CHL1: variants seen among roughly 807,000 people sequenced by gnomAD.
CHL1 encodes neural cell adhesion molecule L1-like protein.
Under a neutral mutation model 141.9 loss-of-function variants are expected in CHL1, and 96 were observed. The observed-to-expected ratio is 0.68, with a 90% CI of 0.57 to 0.80. The LOEUF is 0.80. Ranked by LOEUF, CHL1 falls within the 30% of genes least tolerant of loss-of-function variation. CHL1 has a pLI of 0.00. For missense variants in CHL1, 1,820 were observed against 1,457.2 expected (o/e 1.25, Z -4.05); for synonymous variants, 613 against 502.2 (o/e 1.22, Z -2.95).
At chr3:367,946 T>C (rs1274962242) in intron 15 of CHL1, among the ~76,000 whole-genome samples, 3 of 152,204 alleles carry the variant, frequency 2.0e-5, no homozygotes, top group Non-Finnish European at 4.4e-5. Context: ...TTTATGGCTG[T>C]ATAGTATTCC....
chr3:322,344 G>A (rs1433551480), intron 3 of CHL1, among the ~76,000 whole-genome samples: 2 of 151,912 alleles, frequency 1.3e-5, no homozygotes, highest in African/African-American at 2.4e-5. Context: ...AGTTTGGAAA[G>A]GCATTTAGTT....
At chr3:254,148 G>A (rs912711299) in intron 2 of CHL1, among the ~76,000 whole-genome samples, 2 of 152,160 alleles carry the variant, frequency 1.3e-5, no homozygotes, top group African/African-American at 2.4e-5. Context: ...GATTGCCTCA[G>A]TGGAAGAGAG....
chr3:279,535 G>T (rs1413197222), intron 2 of CHL1, among the ~76,000 whole-genome samples: 1 of 142,952 alleles, frequency 7.0e-6, no homozygotes. Context: ...TCCACAATCT[G>T]GACTGGTTGC....
At chr3:353,405 C>T (rs2125220521) in intron 10 of CHL1, among the ~76,000 whole-genome samples, 2 of 151,894 alleles carry the variant, frequency 1.3e-5, no homozygotes, top group South Asian at 4.2e-4. Context: ...AAAAATAAAC[C>T]TTCACCTCAG....
At chr3:248,455 T>C (rs1207773854) in intron 2 of CHL1, 4 of 152,100 alleles carry the variant, frequency 2.6e-5, no homozygotes, top group Admixed American at 2.0e-4. Flanking sequence ...TGTCAGTCTA[T>C]TGGTTTTTAT....
chr3:354,141 A>T (rs892893025), intron 10 of CHL1, among the ~76,000 whole-genome samples: 1 of 152,226 alleles, frequency 6.6e-6, no homozygotes, highest in African/African-American at 2.4e-5. Context: ...AGTAGATTAT[A>T]TGTATAAATG....
chr3:316,638 A>T (rs972476217), intron 2 of CHL1, among the ~76,000 whole-genome samples: 2 of 152,150 alleles, frequency 1.3e-5, no homozygotes, highest in South Asian at 4.1e-4. Context: ...TTTTAGTAAG[A>T]GTATGACTGG....
chr3:267,664 G>C (rs948513849), intron 2 of CHL1, among the ~76,000 whole-genome samples: 2 of 151,994 alleles, frequency 1.3e-5, no homozygotes, highest in African/African-American at 4.8e-5. Context: ...TAATTAAACC[G>C]TGTGTGTATT....
chr3:283,451 C>G (rs952244188), intron 2 of CHL1, among the ~76,000 whole-genome samples: 1 of 152,194 alleles, frequency 6.6e-6, no homozygotes, highest in Non-Finnish European at 1.5e-5. Context: ...ACACATGTAT[C>G]TATGAAGTAC....
At position 207,057 on chromosome 3, in the gene CHL1, G is replaced by A. The variant is rs549376426; in HGVS notation, c.-175+9994G>A. On this transcript the variant is annotated intron_variant, in intron 1 of 27. Transcript: ENST00000256509. ...GATGGCACTGTCTTTATTAGCAGCCGTCAATAAAGATAAGGCTTTAGAAGA... is the reference window on the plus strand; with the variant it reads ...GATGGCACTGTCTTTATTAGCAGCCATCAATAAAGATAAGGCTTTAGAAGA... 2.2e-4 allele frequency among the ~76,000 whole-genome samples: 33 copies of A among 152,286 alleles called. No homozygotes were observed. In the East Asian group the frequency reaches 4.8e-3, roughly 22 times the overall value.
At chr3:273,541 T>C (rs1053990325) in intron 2 of CHL1, among the ~76,000 whole-genome samples, 2 of 152,212 alleles carry the variant, frequency 1.3e-5, no homozygotes, top group African/African-American at 2.4e-5. Flanking sequence ...TTAAGCCTTA[T>C]CAATATTTGC....
chr3:268,949 G>C (rs971695071), intron 2 of CHL1, among the ~76,000 whole-genome samples: 2 of 152,160 alleles, frequency 1.3e-5, no homozygotes. Flanking sequence ...AATGTTAAAG[G>C]GTGTTGAGTG....
chr3:397,361 G>A (rs1481326678), intron 24 of CHL1, among the ~76,000 whole-genome samples: 1 of 151,816 alleles, frequency 6.6e-6, no homozygotes, highest in African/African-American at 2.4e-5. Context: ...TTATTTTATA[G>A]TGAAAATACA....
At chr3:233,512 A>G (rs1028162415) in intron 1 of CHL1, among the ~76,000 whole-genome samples, 10 of 152,178 alleles carry the variant, frequency 6.6e-5, no homozygotes, top group African/African-American at 1.9e-4. Context: ...GTAACGCATG[A>G]TCATTAAAAA....
At chr3:328,706 C>T (rs543488372) in intron 5 of CHL1, among the ~76,000 whole-genome samples, 2 of 152,084 alleles carry the variant, frequency 1.3e-5, no homozygotes, top group African/African-American at 4.8e-5. Context: ...AGTTATTCCC[C>T]GATAAAGCAA....
chr3:291,344 C>G (rs1157857960), intron 2 of CHL1, among the ~76,000 whole-genome samples: 2 of 151,948 alleles, frequency 1.3e-5, no homozygotes, highest in African/African-American at 4.8e-5. Flanking sequence ...CTACCCAGGT[C>G]TTTTCATCAT....
chr3:397,181 C>T (rs1708747567), intron 24 of CHL1, among the ~76,000 whole-genome samples: 2 of 152,046 alleles, frequency 1.3e-5, no homozygotes, highest in South Asian at 2.1e-4. Flanking sequence ...CAAAAGCTTG[C>T]ACTACTTAAT....
At chr3:385,663 A>G (rs889418111) in intron 19 of CHL1, 1 of 151,988 alleles carries the variant, frequency 6.6e-6, no homozygotes, top group African/African-American at 2.4e-5. Flanking sequence ...CTGCATCTCT[A>G]CTAAAAATAT....
chr3:337,445 C>A (rs186431170), intron 5 of CHL1, among the ~76,000 whole-genome samples: 11 of 152,034 alleles, frequency 7.2e-5, no homozygotes, highest in African/African-American at 2.7e-4. Context: ...TATACGTGTG[C>A]CATGCTGGTG....
Sources: allele counts gnomAD v4.1 joint callset (sites outside exome capture counted in the v4.1 genomes callset), GRCh38; gene constraint gnomAD v4.1.1; transcripts MANE v1.5; gene names NCBI Gene and HGNC (gene_info 2026-07-23, HGNC 2026-07-21).